Variants in NOTCH1 observed in about 807,000 individuals in gnomAD.
NOTCH1 encodes notch receptor 1.
NOTCH1 carries 37 observed loss-of-function variants against 254.8 expected under a neutral mutation model. The ratio of observed to expected loss-of-function variants is 0.15; its 90% CI spans 0.11 to 0.19. The LOEUF (loss-of-function observed/expected upper bound fraction) is 0.19, where lower values mean the gene tolerates loss of function less well. Ranked by LOEUF, NOTCH1 falls within the 10% of genes least tolerant of loss-of-function variation. NOTCH1 has a pLI of 1.00. For missense variants in NOTCH1, 2,972 were observed against 3,708.6 expected, an observed-to-expected ratio of 0.80 and a Z score of 5.16; for synonymous variants, 1,731 against 1,618.1, an observed-to-expected ratio of 1.07 and a Z score of -1.68.
At chr9:136,529,033 TC>T (rs1036477061) in intron 2 of NOTCH1, among the ~76,000 whole-genome samples, 2 of 152,076 alleles carry the variant, frequency 1.3e-5, no homozygotes, top group African/African-American at 4.8e-5. Context: ...CTCTGCCTGC[TC>T]CTGTGATGGC....
Position 136,523,037 on chromosome 9 carries a change from C to A in NOTCH1, c.555G>T (p.Lys185Asn), listed in dbSNP as rs570962068. ...TGCCTCCGTGGCGGCAAAGCCCGGG[C>A]TTCTGGCCACACTCGTTGACATCCT... ...CRQDVNECGQ[K>N]PGLCRHGGTC... The change falls in exon 4 of 34, where the codon AAG (lysine) becomes AAT (asparagine). Residue 185 changes from lysine to asparagine, a missense_variant. This residue lies in a region of NOTCH1 where 374 missense variants were observed against 496.3 expected (regional missense o/e 0.75). Transcript: ENST00000651671. The A allele has an allele frequency of 1.3e-6, 2 of 1,554,940 alleles. No individual in the cohort carries two copies. Among genetic ancestry groups the A allele is most frequent in the East Asian group, 4.8e-5 (2 of 41,378 alleles).
chr9:136,505,142 G>A (rs2133338028), intron 25 of NOTCH1, 38 bp from the exon 26 acceptor site: 1 of 1,590,112 alleles, frequency 6.3e-7, no homozygotes, highest in Non-Finnish European at 8.5e-7. Flanking sequence ...GCCTTCCTCG[G>A]GGGGCCTCGC....
Position 136,513,008 on chromosome 9 carries a change from A to G in NOTCH1, c.2467+13T>C. 8.0e-6 allele frequency: 3 copies of G among 376,146 alleles called. No individual in the cohort carries two copies. 23.3% of individuals were successfully genotyped at this position (376,146 alleles called of 1,614,324 possible). A position where few individuals can be genotyped will look rare whatever the true frequency, so the allele number is the denominator to read the frequency against. On this transcript the variant is annotated intron_variant, in intron 15 of 33. Transcript: ENST00000651671. This position sits in a 1 kb window ranked among gnomAD's most constrained non-coding sequence, Gnocchi z 4.7. ...CCCCGCCCCCTCCAGCACAGGCCCC[A>G]CCCACCCCTCACCTGTGTAGGGCAG...
intron 2 of NOTCH1, chr9:136,543,822 C>A: frequency 1.5e-6 from 1 of 660,686 alleles, no homozygotes; most frequent in East Asian, 2.7e-5. Context: ...CCCTCAGCAG[C>A]CAGACCAGCT....
rs372760677 is a variant in NOTCH1, at chr9:136,496,349, G to A, written c.7390C>T (p.Leu2464=). 1.4e-4 allele frequency: 226 copies of A among 1,593,676 alleles called. 6 individuals carry two copies. In the African/African-American group the frequency reaches 1.6e-3, roughly 11 times the overall value. ...AGCGAGGATGGCAGCGACGTGGGCA[G>A]GGCGGGGCTCTCCTGGGGCAGAATA... ...HTILPQESPA[L]PTSLPSSLVP... Residue 2464 remains leucine (L), a synonymous_variant, in exon 34 of 34, where the codon CTG becomes TTG. Coordinates refer to ENST00000651671, the MANE Select transcript of NOTCH1 (RefSeq NM_017617.5).
intron 2 of NOTCH1, chr9:136,543,352 A>G (rs1843760270): frequency 1.3e-5 from 3 of 233,302 alleles, no homozygotes; most frequent in Non-Finnish European, 2.6e-5. Flanking sequence ...CACCACCCAG[A>G]GGAGGCATCA....
chr9:136,520,820 G>A (rs1312887744), intron 4 of NOTCH1, among the ~76,000 whole-genome samples: 15 of 152,156 alleles, frequency 9.9e-5, no homozygotes, highest in Admixed American at 9.8e-4. Flanking sequence ...GAGGCAGATG[G>A]GGCCCCTGGC....
At chr9:136,522,256 C>T (rs892722310) in intron 4 of NOTCH1, among the ~76,000 whole-genome samples, 5 of 152,304 alleles carry the variant, frequency 3.3e-5, no homozygotes, top group African/African-American at 7.2e-5. Flanking sequence ...GGAGTACAGG[C>T]GTGAGCCACC....
chr9:136,511,034 T>G (rs1843173323), intron 16 of NOTCH1, 118 bp downstream of exon 16: 2 of 1,503,506 alleles, frequency 1.3e-6, no homozygotes, highest in Non-Finnish European at 1.8e-6. Flanking sequence ...GACCAGGGCC[T>G]CCTCAGCACC....
chr9:136,529,634 G>A (rs28546397), intron 2 of NOTCH1, among the ~76,000 whole-genome samples: 229 of 152,318 alleles, frequency 1.5e-3, no homozygotes, highest in African/African-American at 5.4e-3. Flanking sequence ...GGAAGGCCCC[G>A]GGCTCCTCAA....
At chr9:136,514,336 G>C (rs1231082872) in intron 13 of NOTCH1, among the ~76,000 whole-genome samples, 174 bp downstream of exon 13, 1 of 152,222 alleles carries the variant, frequency 6.6e-6, no homozygotes, top group Non-Finnish European at 1.5e-5. Flanking sequence ...GTGGACTGTA[G>C]TCTGACTGAG....
intron 21 of NOTCH1, 47 bp from the exon 22 acceptor site, chr9:136,507,484 G>A (rs759734314): frequency 6.4e-7 from 1 of 1,565,008 alleles, no homozygotes; most frequent in African/African-American, 1.3e-5. Context: ...GCCGGCGCCA[G>A]GATGCAGTGC....
At chr9:136,541,834 C>T (rs1174376240) in intron 2 of NOTCH1, among the ~76,000 whole-genome samples, 1 of 152,226 alleles carries the variant, frequency 6.6e-6, no homozygotes, top group East Asian at 1.9e-4. Context: ...CCTGAGGACG[C>T]GCTTCCGTCC....
rs536167222 is a variant in NOTCH1 at position 136,496,376 on chromosome 9, T to C, written c.7363A>G (p.Thr2455Ala). ...PLGPSSLAVH[T>A]ILPQESPALP... ...GCGGGGCTCTCCTGGGGCAGAATAGTGTGCACCGCCAGGCTGCTGGGGCCC... is the reference window on the plus strand; with the variant it reads ...GCGGGGCTCTCCTGGGGCAGAATAGCGTGCACCGCCAGGCTGCTGGGGCCC... The change falls in exon 34 of 34, where the codon ACT becomes GCT. Residue 2455 changes from threonine to alanine, a missense_variant. Physicochemically the swap from Thr to Ala is moderately conservative, Grantham distance 58. This residue lies in a region of NOTCH1 where 529 missense variants were observed against 529.2 expected (regional missense o/e 1.00). Transcript: ENST00000651671. The C allele has an allele frequency of 5.1e-5, 82 of 1,595,618 alleles. No homozygotes were observed. Among genetic ancestry groups the C allele is most frequent in the Non-Finnish European group, 6.9e-5 (81 of 1,176,658 alleles).
In NOTCH1 at chr9:136,544,006, C is replaced by T. The variant is rs1394914212; in HGVS notation, c.140+18G>A. ...CTGCCCTCGACAAAGCAACAGGTCC[C>T]GCAGGGGTGGTACTCACACGCAGGC... On this transcript the variant is annotated intron_variant, in intron 2 of 33. Transcript: ENST00000651671. 5 of 1,561,920 alleles carry T rather than the reference C, an allele frequency of 3.2e-6. No individual in the cohort carries two copies. The highest frequency in any genetic ancestry group is 1.9e-5 in the Admixed American group (1 of 52,858).
rs773932034 is a variant in NOTCH1, at chr9:136,515,685, G to A, written c.1701C>T (p.Ile567=). The change falls in exon 11 of 34, where the codon ATC becomes ATT. Residue 567 remains isoleucine, a synonymous_variant. Coordinates refer to ENST00000651671, the MANE Select transcript of NOTCH1 (RefSeq NM_017617.5). ...GGCAGGGGTCGGGGTCGCACTCATC[G>A]ATGTCCACCTCGCAGTGCGTCCCCG... The part of the protein sequence containing the change: ...GYTGTHCEVD[I]DECDPDPCHY... 1.5e-5 allele frequency: 23 copies of A among 1,554,636 alleles called. No homozygotes were observed. Among genetic ancestry groups the A allele is most frequent in the Admixed American group, 5.7e-5 (3 of 52,502 alleles).
At position 136,509,971 on chromosome 9, in the gene NOTCH1, G is replaced by C. The variant is rs1326976998; in HGVS notation, c.2741-10C>G. 3 of 1,611,814 alleles carry C rather than the reference G, an allele frequency of 1.9e-6. No individual in the cohort carries two copies. Among genetic ancestry groups the C allele is most frequent in the Non-Finnish European group, 2.5e-6 (3 of 1,179,466 alleles). On this transcript the variant is annotated splice_polypyrimidine_tract_variant and intron_variant, in intron 17 of 33. Coordinates refer to ENST00000651671, the MANE Select transcript of NOTCH1 (RefSeq NM_017617.5). Reference sequence around the variant, plus strand: ...CCGTTGTGACACGGGTCTGGGAGAGGACGGAAGGGTGAGTGTGAGGGGCAG... The same window carrying C: ...CCGTTGTGACACGGGTCTGGGAGAGCACGGAAGGGTGAGTGTGAGGGGCAG...
At chr9:136,515,785 C>G (rs1048823399) in intron 10 of NOTCH1, 69 bp from the exon 11 acceptor site, 101 of 1,410,504 alleles carry the variant, frequency 7.2e-5, no homozygotes, top group Non-Finnish European at 8.7e-5. Flanking sequence ...CATGACCAGA[C>G]CTGGGGTCAC....
chr9:136,526,998 G>A (rs965543339), intron 2 of NOTCH1, among the ~76,000 whole-genome samples: 2 of 152,194 alleles, frequency 1.3e-5, no homozygotes, highest in African/African-American at 2.4e-5. Context: ...CCCCTGCCAC[G>A]GCCCCACAGC....
Sources: gnomAD v4.1 joint callset for allele counts (sites outside exome capture counted in the v4.1 genomes callset) on GRCh38, gnomAD v4.1.1 for gene constraint, gnomAD v4.1.1 regional missense constraint, Gnocchi (gnomAD v3.1) non-coding constraint, MANE v1.5 for transcripts, NCBI Gene and HGNC (gene_info 2026-07-23, HGNC 2026-07-21) for gene names.